The following PIEZO2 variants were observed in gnomAD, a reference collection of about 807,000 sequenced individuals.
The protein encoded by PIEZO2 is piezo-type mechanosensitive ion channel component 2.
In PIEZO2, 172 loss-of-function variants were observed where a neutral mutation model predicts 337.3. The ratio of observed to expected loss-of-function variants is 0.51; its 90% CI spans 0.45 to 0.58. PIEZO2 has a LOEUF of 0.58. PIEZO2 is among the 20% of genes least tolerant of loss of function. The probability of loss-of-function intolerance (pLI) is 0.00; values close to 1 mark genes in which losing one functional copy is unlikely to be tolerated. For synonymous variants in PIEZO2, 1,251 were observed against 1,228.5 expected (o/e 1.02, Z -0.38); for missense variants, 3,028 against 3,391.3 (o/e 0.89, Z 2.66).
At chr18:10,697,919 C>A (rs780461825) in intron 44 of PIEZO2, 39 bp from the exon 45 acceptor site, 76 of 1,566,198 alleles carry the variant, frequency 4.9e-5, no homozygotes, top group Non-Finnish European at 6.4e-5. Flanking sequence ...GTGGTGGAGC[C>A]TGGGGTTTGT....
chr18:10,759,986 G>A lies in PIEZO2; in HGVS notation c.3451-77C>T. 1 of 1,321,562 alleles carries A rather than the reference G, an allele frequency of 7.6e-7. No homozygotes were observed. The highest frequency in any genetic ancestry group is 1.0e-6 in the Non-Finnish European group (1 of 957,736). 81.9% of individuals were successfully genotyped at this position (1,321,562 alleles called of 1,614,324 possible). ...GGGACTGGTGATAGGTGTCAGGTCTGTGTAGATGGCGGAGACCCATGTCCC... is the reference window on the plus strand; with the variant it reads ...GGGACTGGTGATAGGTGTCAGGTCTATGTAGATGGCGGAGACCCATGTCCC... On this transcript the variant is annotated intron_variant, in intron 24 of 55. Coordinates refer to ENST00000674853, the MANE Select transcript of PIEZO2 (RefSeq NM_001378183.1). This position sits in a 1 kb window ranked among gnomAD's most constrained non-coding sequence, Gnocchi z 5.5.
intron 3 of PIEZO2, among the ~76,000 whole-genome samples, chr18:10,923,863 A>T (rs2031568462): frequency 6.6e-6 from 1 of 152,202 alleles, no homozygotes; most frequent in Non-Finnish European, 1.5e-5. Context: ...CATGGGTCAG[A>T]TATCATATTG....
intron 35 of PIEZO2, among the ~76,000 whole-genome samples, chr18:10,733,108 C>G (rs901542383): frequency 6.6e-6 from 1 of 151,986 alleles, no homozygotes; most frequent in Non-Finnish European, 1.5e-5. Context: ...AGGGTGGAAT[C>G]GAAGAAGTCT....
At chr18:10,926,533 TCA>T (rs923435256) in intron 3 of PIEZO2, among the ~76,000 whole-genome samples, 7 of 152,268 alleles carry the variant, frequency 4.6e-5, no homozygotes, top group African/African-American at 1.7e-4. Flanking sequence ...AAAAAGCAGT[TCA>T]CAGTGACTCC....
At position 10,830,087 on chromosome 18, in the gene PIEZO2, T is replaced by TA. The variant is rs2040799775; in HGVS notation, c.918-22814dup. ...TAACCAAAACAGTATGGTACTGGCA[T>TA]AAAAACAGACACACAGACCAATGGA... is the stretch of plus-strand genomic sequence containing the variant. On this transcript the variant is annotated intron_variant, in intron 7 of 55. Transcript: ENST00000674853. The surrounding 1 kb of genome is among the most constrained non-coding windows in gnomAD (Gnocchi z 4.7). Among the ~76,000 whole-genome samples, 1 of 152,104 alleles carries TA rather than the reference T, an allele frequency of 6.6e-6. No individual in the cohort carries two copies. Among genetic ancestry groups the TA allele is most frequent in the South Asian group, 2.1e-4 (1 of 4,828 alleles).
At chr18:10,703,292 T>A (rs2143758675) in intron 42 of PIEZO2, among the ~76,000 whole-genome samples, 1 of 152,328 alleles carries the variant, frequency 6.6e-6, no homozygotes, top group African/African-American at 2.4e-5. Context: ...AAACAGGCAG[T>A]CATTTACATC....
At chr18:11,090,588 T>C (rs2146035667) in intron 1 of PIEZO2, among the ~76,000 whole-genome samples, 1 of 152,296 alleles carries the variant, frequency 6.6e-6, no homozygotes, top group South Asian at 2.1e-4. Context: ...CCCAGTAAGC[T>C]TAAAGTATAA....
At chr18:11,006,112 C>T (rs1350699741) in intron 2 of PIEZO2, among the ~76,000 whole-genome samples, 1 of 152,176 alleles carries the variant, frequency 6.6e-6, no homozygotes, top group Non-Finnish European at 1.5e-5. Context: ...CAGGAAGACC[C>T]CCGGTCATCC....
chr18:11,137,308 T>G (rs1445868526), intron 1 of PIEZO2, among the ~76,000 whole-genome samples: 1 of 152,188 alleles, frequency 6.6e-6, no homozygotes, highest in Non-Finnish European at 1.5e-5. Context: ...GTACATACGA[T>G]GGTTATTAAG....
chr18:11,135,854 G>A (rs1459846364), intron 1 of PIEZO2, among the ~76,000 whole-genome samples: 7 of 152,152 alleles, frequency 4.6e-5, no homozygotes, highest in Non-Finnish European at 1.0e-4. Flanking sequence ...CTCCTTCCTT[G>A]GGAGATTAGC....
Position 10,682,308 on chromosome 18 carries a change from C to T in PIEZO2, c.7498-16G>A. The stretch of plus-strand genomic sequence containing the variant: ...GAGGGTATCTCTGCAACAGAGAGTT[C>T]AGACAAGGCTCAGGCTCAGGCTCAG... On this transcript the variant is annotated splice_polypyrimidine_tract_variant and intron_variant, in intron 49 of 55. Coordinates refer to ENST00000674853, the MANE Select transcript of PIEZO2 (RefSeq NM_001378183.1). The surrounding 1 kb of genome is among the most constrained non-coding windows in gnomAD (Gnocchi z 5.6). 3 of 1,528,518 alleles carry T rather than the reference C, an allele frequency of 2.0e-6. No homozygotes were observed. Among genetic ancestry groups the T allele is most frequent in the Non-Finnish European group, 2.6e-6 (3 of 1,142,146 alleles). The allele number at this position is 1,528,518 out of a possible 1,614,324, so 94.7% of individuals were successfully genotyped here.
At chr18:10,865,525 T>C (rs941080692) in intron 5 of PIEZO2, among the ~76,000 whole-genome samples, 11 of 152,256 alleles carry the variant, frequency 7.2e-5, no homozygotes, top group African/African-American at 2.6e-4. Context: ...CCCCAAGAAA[T>C]CCATGTCACA....
rs1296803244 is a variant in PIEZO2 at position 10,781,266 on chromosome 18, C to T, written c.2493-900G>A. 1.3e-5 allele frequency among the ~76,000 whole-genome samples: 2 copies of T among 151,836 alleles called. No homozygotes were observed. The highest frequency in any genetic ancestry group is 2.0e-4 in the East Asian group (1 of 5,128). On this transcript the variant is annotated intron_variant, in intron 17 of 55. Coordinates refer to ENST00000674853, the MANE Select transcript of PIEZO2 (RefSeq NM_001378183.1). This position sits in a 1 kb window ranked among gnomAD's most constrained non-coding sequence, Gnocchi z 4.1. Reference sequence around the variant, plus strand: ...CAGGTGGATCATGAGGTCAAGAGTTCGATACCAGCCTGGCCAATATGGTGA... The same window carrying T: ...CAGGTGGATCATGAGGTCAAGAGTTTGATACCAGCCTGGCCAATATGGTGA...
intron 2 of PIEZO2, among the ~76,000 whole-genome samples, chr18:11,011,938 A>G (rs2035918544): frequency 6.6e-6 from 1 of 152,240 alleles, no homozygotes; most frequent in Admixed American, 6.5e-5. Flanking sequence ...CTATGATCAC[A>G]TAACTGCACT....
Position 10,837,899 on chromosome 18 carries a change from C to T in PIEZO2, c.917+17454G>A, listed in dbSNP as rs995387473. The stretch of plus-strand genomic sequence containing the variant: ...CCCGAGTAGCTGGGATTACTGGTGC[C>T]TGCCACCATGCCCGGCTAATTTTTG... On this transcript the variant is annotated intron_variant, in intron 7 of 55. Transcript: ENST00000674853. The surrounding 1 kb of genome is among the most constrained non-coding windows in gnomAD (Gnocchi z 4.4). Among the ~76,000 whole-genome samples the T allele has an allele frequency of 1.3e-5, 2 of 152,044 alleles. No individual in the cohort carries two copies. Among genetic ancestry groups the T allele is most frequent in the Non-Finnish European group, 2.9e-5 (2 of 68,008 alleles).
chr18:11,107,951 G>C (rs1213323664), intron 1 of PIEZO2, among the ~76,000 whole-genome samples: 2 of 152,114 alleles, frequency 1.3e-5, no homozygotes, highest in Non-Finnish European at 2.9e-5. Context: ...CACTGGTTCT[G>C]ACTTTTACCT....
rs907908071 is a variant in PIEZO2 at position 10,877,092 on chromosome 18, T to C, written c.330-5677A>G. ...CCCACTAAGAAATTCTGACTTGTAT[T>C]GTAGCCACCAGACTCTTCTCTACGT... On this transcript the variant is annotated intron_variant, in intron 4 of 55. Coordinates refer to ENST00000674853, the MANE Select transcript of PIEZO2 (RefSeq NM_001378183.1). This position sits in a 1 kb window ranked among gnomAD's most constrained non-coding sequence, Gnocchi z 5.3. Among the ~76,000 whole-genome samples the C allele has an allele frequency of 6.6e-6, 1 of 152,234 alleles. No homozygotes were observed. The highest frequency in any genetic ancestry group is 2.4e-5 in the African/African-American group (1 of 41,454).
chr18:10,978,891 A>G (rs1038377401), intron 3 of PIEZO2, among the ~76,000 whole-genome samples: 1 of 152,194 alleles, frequency 6.6e-6, no homozygotes, highest in Non-Finnish European at 1.5e-5. Flanking sequence ...CAAAAACTGA[A>G]GTATGATTTA....
In PIEZO2 at chr18:11,035,270, G is replaced by A. The variant is rs1006837232; in HGVS notation, c.160+30857C>T. ...GAGAGTTCTTGCTCTGTTAGTTCACGGAGAGCTGGTTGTTTAAAAAGCCTG... is the reference window on the plus strand; with the variant it reads ...GAGAGTTCTTGCTCTGTTAGTTCACAGAGAGCTGGTTGTTTAAAAAGCCTG... On this transcript the variant is annotated intron_variant, in intron 2 of 55. Coordinates refer to ENST00000674853, the MANE Select transcript of PIEZO2 (RefSeq NM_001378183.1). The surrounding 1 kb of genome is among the most constrained non-coding windows in gnomAD (Gnocchi z 4.3). Among the ~76,000 whole-genome samples, 2 of 151,890 alleles carry A rather than the reference G, an allele frequency of 1.3e-5. No individual in the cohort carries two copies. The highest frequency in any genetic ancestry group is 2.9e-5 in the Non-Finnish European group (2 of 68,004).
Sources: allele counts gnomAD v4.1 joint callset (sites outside exome capture counted in the v4.1 genomes callset), GRCh38; gene constraint gnomAD v4.1.1; non-coding constraint Gnocchi (gnomAD v3.1); transcripts MANE v1.5; gene names NCBI Gene and HGNC (gene_info 2026-07-23, HGNC 2026-07-21).